The following SGSM1 variants were observed in gnomAD, a reference collection of about 807,000 sequenced individuals.
The protein encoded by SGSM1 is small G protein signaling modulator 1, also known as RUN and TBC1 domain containing 2.
A neutral mutation model predicts 133.8 loss-of-function variants in SGSM1; 73 were observed. That is an observed-to-expected ratio of 0.55 (90% CI 0.45 to 0.66). SGSM1 has a LOEUF of 0.66. Ranked by LOEUF, SGSM1 falls within the 30% of genes least tolerant of loss-of-function variation. The probability of loss-of-function intolerance (pLI) is 0.00; values close to 1 mark genes in which losing one functional copy is unlikely to be tolerated. For synonymous variants in SGSM1, 563 were observed against 573.0 expected (o/e 0.98, Z 0.25); for missense variants, 1,213 against 1,448.1 (o/e 0.84, Z 2.64).
chr22:24,806,245 G>T lies in SGSM1; in HGVS notation c.-81G>T. 4 of 1,324,214 alleles carry T rather than the reference G, an allele frequency of 3.0e-6. No individual in the cohort carries two copies. Among genetic ancestry groups the T allele is most frequent in the South Asian group, 4.2e-5 (2 of 48,078 alleles). The allele number at this position is 1,324,214 out of a possible 1,614,324, so 82.0% of individuals were successfully genotyped here. On this transcript the variant is annotated 5_prime_UTR_variant, in exon 1 of 25. Coordinates refer to ENST00000400358, the MANE Select transcript of SGSM1 (RefSeq NM_001098497.3). ...TCGGCCCCGCCCCGCCGCGGCTGCA[G>T]CAGCAGCGCCGCGGCCGGAGGAGCT...
intron 21 of SGSM1, among the ~76,000 whole-genome samples, chr22:24,911,649 T>G (rs1369845173): frequency 6.6e-6 from 1 of 152,136 alleles, no homozygotes; most frequent in Non-Finnish European, 1.5e-5. Flanking sequence ...ATTACCTCTG[T>G]GGTTTTCCTC....
chr22:24,869,764 TG>T (rs1931674752), intron 12 of SGSM1, among the ~76,000 whole-genome samples: 1 of 151,978 alleles, frequency 6.6e-6, no homozygotes. Flanking sequence ...GCACATGAGA[TG>T]GGGGTGAATT....
At chr22:24,843,612 G>A (rs201288869) in intron 2 of SGSM1, 1 of 152,228 alleles carries the variant, frequency 6.6e-6, no homozygotes, top group Non-Finnish European at 1.5e-5. Flanking sequence ...ACCTCAAAGT[G>A]GGGTAACTGA....
At chr22:24,866,402 C>T (rs6004331) in intron 9 of SGSM1, among the ~76,000 whole-genome samples, 18,154 of 152,152 alleles carry the variant, frequency 0.12, 1,150 homozygotes, top group South Asian at 0.24. Context: ...CTGACTCCTG[C>T]GCGTGGACAC....
At chr22:24,894,222 T>C (rs2123695877) in intron 17 of SGSM1, among the ~76,000 whole-genome samples, 1 of 152,244 alleles carries the variant, frequency 6.6e-6, no homozygotes, top group Non-Finnish European at 1.5e-5. Context: ...TTGGCCAACA[T>C]GGTGAAACCC....
At chr22:24,884,582 C>T (rs1407243929) in intron 15 of SGSM1, among the ~76,000 whole-genome samples, 3 of 152,166 alleles carry the variant, frequency 2.0e-5, no homozygotes, top group Non-Finnish European at 2.9e-5. Context: ...CACGGTGAAA[C>T]CCCATCTCTA....
At chr22:24,836,126 C>T (rs1216785834) in intron 2 of SGSM1, among the ~76,000 whole-genome samples, 4 of 152,212 alleles carry the variant, frequency 2.6e-5, no homozygotes, top group African/African-American at 7.2e-5. Flanking sequence ...TCCCCAGCCC[C>T]TGGCAACCAC....
intron 2 of SGSM1, among the ~76,000 whole-genome samples, chr22:24,827,888 T>C (rs1408508750): frequency 6.6e-6 from 1 of 152,056 alleles, no homozygotes; most frequent in South Asian, 2.1e-4. Context: ...CTGTCCTTTA[T>C]GCTAATTTGC....
intron 12 of SGSM1, among the ~76,000 whole-genome samples, chr22:24,869,966 A>G (rs1931686540): frequency 6.6e-6 from 1 of 152,246 alleles, no homozygotes; most frequent in Non-Finnish European, 1.5e-5. Context: ...ATTGAGTGGT[A>G]GGTTCTTTCT....
chr22:24,915,253 T>TAAATAAATAAACAAAC (rs375854809), intron 22 of SGSM1, among the ~76,000 whole-genome samples: 5 of 139,428 alleles, frequency 3.6e-5, no homozygotes, highest in African/African-American at 1.3e-4. Context: ...AATAAATAAA[T>TAAATAAATAAACAAAC]AAACAAACAG....
chr22:24,898,240 C>T lies in SGSM1; in HGVS notation c.2291C>T (p.Ala764Val), dbSNP rs746160025. Reference sequence around the variant, plus strand: ...GTGGATGACAGGCAGAGCAGCGAGGCCACCACATCTCAGGATGAGGCTCCC... The same window carrying T: ...GTGGATGACAGGCAGAGCAGCGAGGTCACCACATCTCAGGATGAGGCTCCC... ...GSVDDRQSSEATTSQDEAPRE... is the reference protein window; with the variant it reads ...GSVDDRQSSEVTTSQDEAPRE... The change falls in exon 19 of 25, where the codon GCC becomes GTC. Residue 764 changes from alanine (A) to valine (V), a missense_variant. Physicochemically the swap from Ala to Val is moderately conservative, Grantham distance 64. Coordinates refer to ENST00000400358, the MANE Select transcript of SGSM1 (RefSeq NM_001098497.3). 6 of 1,613,542 alleles carry T rather than the reference C, an allele frequency of 3.7e-6. No homozygotes were observed. The highest frequency in any genetic ancestry group is 1.7e-5 in the Admixed American group (1 of 59,986).
At chr22:24,923,300 C>T (rs540741949) in intron 24 of SGSM1, among the ~76,000 whole-genome samples, 9 of 152,228 alleles carry the variant, frequency 5.9e-5, no homozygotes, top group Non-Finnish European at 1.0e-4. Context: ...CACTATGACA[C>T]GCTGGGGTAC....
intron 2 of SGSM1, among the ~76,000 whole-genome samples, chr22:24,838,506 GC>G (rs1400608408): frequency 2.6e-5 from 4 of 152,150 alleles, no homozygotes; most frequent in African/African-American, 7.2e-5. Flanking sequence ...TTTTTGACAG[GC>G]CTGAAGGACC....
At chr22:24,922,635 C>G (rs2123754900) in intron 24 of SGSM1, among the ~76,000 whole-genome samples, 1 of 151,218 alleles carries the variant, frequency 6.6e-6, no homozygotes, top group Middle Eastern at 3.4e-3. Context: ...ACCACCACAC[C>G]CAGCTAATTT....
At chr22:24,847,381 G>A (rs1930206651) in intron 3 of SGSM1, among the ~76,000 whole-genome samples, 1 of 152,156 alleles carries the variant, frequency 6.6e-6, no homozygotes, top group African/African-American at 2.4e-5. Context: ...CAAGAATTAG[G>A]AAAGGTAAGT....
chr22:24,816,591 T>A, intron 2 of SGSM1, among the ~76,000 whole-genome samples: 1 of 152,042 alleles, frequency 6.6e-6, no homozygotes, highest in Middle Eastern at 3.2e-3. Context: ...AATTTTTGTA[T>A]TGACAGGGTT....
chr22:24,914,803 G>A (rs1015395516), intron 22 of SGSM1, among the ~76,000 whole-genome samples: 1 of 152,096 alleles, frequency 6.6e-6, no homozygotes, highest in Non-Finnish European at 1.5e-5. Context: ...AGTCTTTTGT[G>A]TTAGGAGTAC....
intron 9 of SGSM1, 50 bp from the exon 10 acceptor site, chr22:24,867,043 C>T (rs1931495586): frequency 1.9e-6 from 3 of 1,590,006 alleles, no homozygotes; most frequent in Non-Finnish European, 2.6e-6. Context: ...CCCCTCCGCA[C>T]AGTGGGGTAG....
chr22:24,899,019 C>G (rs148677305), intron 19 of SGSM1, among the ~76,000 whole-genome samples: 41 of 50,788 alleles, frequency 8.1e-4, no homozygotes, highest in Non-Finnish European at 1.2e-3. Context: ...AGAGCAAGAT[C>G]TCAAAAAAAA....
Sources: allele counts gnomAD v4.1 joint callset (sites outside exome capture counted in the v4.1 genomes callset), GRCh38; gene constraint gnomAD v4.1.1; transcripts MANE v1.5; gene names NCBI Gene and HGNC (gene_info 2026-07-23, HGNC 2026-07-21).